Variants in ZDHHC7 observed in about 807,000 individuals in gnomAD.
ZDHHC7 encodes the protein palmitoyltransferase ZDHHC7.
Under a neutral mutation model 34.1 loss-of-function variants are expected in ZDHHC7, and 12 were observed. That is an observed-to-expected ratio of 0.35 (90% CI 0.23 to 0.57). The LOEUF (loss-of-function observed/expected upper bound fraction) is 0.57. Ranked by LOEUF, ZDHHC7 falls within the 20% of genes least tolerant of loss-of-function variation. ZDHHC7 has a pLI of 0.84. For missense variants in ZDHHC7, 388 were observed against 402.7 expected (o/e 0.96, Z 0.31); for synonymous variants, 185 against 155.4 (o/e 1.19, Z -1.42).
Position 84,977,910 on chromosome 16 carries a change from G to A in ZDHHC7, c.619+14C>T. 1 of 1,607,844 alleles carries A rather than the reference G, an allele frequency of 6.2e-7. No individual in the cohort carries two copies. The highest frequency in any genetic ancestry group is 1.1e-5 in the South Asian group (1 of 90,714). On this transcript the variant is annotated intron_variant, in intron 6 of 7. Coordinates refer to ENST00000313732, the MANE Select transcript of ZDHHC7 (RefSeq NM_017740.3). The stretch of plus-strand genomic sequence containing the variant: ...CATGCAAAGCCAGGAATGACACATA[G>A]CCAGGGAACTTACCAGTCCACTGCC...
intron 1 of ZDHHC7, among the ~76,000 whole-genome samples, chr16:84,998,681 G>A (rs1184553099): frequency 1.3e-5 from 2 of 151,624 alleles, no homozygotes; most frequent in African/African-American, 4.8e-5. Flanking sequence ...CTTCTGCCCA[G>A]GCCCTAGACA....
rs774225497 is a variant in ZDHHC7 at position 84,990,545 on chromosome 16, G to A, written c.74C>T (p.Ser25Phe). 3.7e-6 allele frequency: 6 copies of A among 1,614,066 alleles called. No homozygotes were observed. The African/African-American group carries it at 5.3e-5, about 14-fold the overall frequency. The change falls in exon 3 of 8, where the codon TCT becomes TTT. Residue 25 changes from serine (S) to phenylalanine (F), a missense_variant. Ser to Phe is a radical substitution (Grantham distance 155). Transcript: ENST00000313732. Reference protein sequence around the residue: ...PLLAENDNYDSSSSSSSEADV... With the variant: ...PLLAENDNYDFSSSSSSEADV... ...AGCCTCGGAGGAGGAGGACGATGAA[G>A]AGTCATAGTTGTCATTTTCAGCCAG...
At chr16:84,982,417 A>G (rs2072382863) in intron 3 of ZDHHC7, among the ~76,000 whole-genome samples, 1 of 151,952 alleles carries the variant, frequency 6.6e-6, no homozygotes, top group African/African-American at 2.4e-5. Flanking sequence ...TATCCTTTTG[A>G]TAAATGGCTT....
chr16:85,026,203 G>C, the ZDHHC7 span, among the ~76,000 whole-genome samples: 1 of 152,204 alleles, frequency 6.6e-6, no homozygotes, highest in Admixed American at 6.5e-5. Context: ...CCTTGTGCTA[G>C]GTTCACTTGC....
chr16:84,992,258 A>C (rs983794853), intron 2 of ZDHHC7, among the ~76,000 whole-genome samples: 2 of 151,990 alleles, frequency 1.3e-5, no homozygotes, highest in African/African-American at 4.8e-5. Flanking sequence ...TCACGAGGTT[A>C]CAAGTTCAAG....
At chr16:85,012,064 G>A (rs62048404), upstream of ZDHHC7, among the ~76,000 whole-genome samples, 4 of 152,190 alleles carry the variant, frequency 2.6e-5, no homozygotes, top group African/African-American at 9.7e-5. Flanking sequence ...CATATAGGAA[G>A]CCCTAAGTGT....
chr16:85,025,257 T>C, the ZDHHC7 span, among the ~76,000 whole-genome samples: 1 of 145,314 alleles, frequency 6.9e-6, no homozygotes, highest in African/African-American at 2.5e-5. Context: ...GGTGACAGAG[T>C]GAGATGATTT....
Position 84,976,325 on chromosome 16 carries a change from A to G in ZDHHC7, c.*18T>C. 6.2e-7 allele frequency: 1 copy of G among 1,611,172 alleles called. No individual in the cohort carries two copies. Among genetic ancestry groups the G allele is most frequent in the South Asian group, 1.1e-5 (1 of 90,800 alleles). On this transcript the variant is annotated 3_prime_UTR_variant, in exon 8 of 8. Transcript: ENST00000313732. Reference sequence around the variant, plus strand: ...AACTGGAAGTCTGTGAGCAAGTTTCAGTCTGATGAGCCACGCCTCACACTG... The same window carrying G: ...AACTGGAAGTCTGTGAGCAAGTTTCGGTCTGATGAGCCACGCCTCACACTG...
the ZDHHC7 span, among the ~76,000 whole-genome samples, chr16:85,025,172 G>A: frequency 6.6e-6 from 1 of 151,954 alleles, no homozygotes; most frequent in Non-Finnish European, 1.5e-5. Flanking sequence ...CAGCTACTTG[G>A]GAGGCTAAGG....
At position 84,981,860 on chromosome 16, in the gene ZDHHC7, G is replaced by A. The variant is rs374282797; in HGVS notation, c.440+10C>T. The A allele has an allele frequency of 9.3e-6, 15 of 1,613,754 alleles. No individual in the cohort carries two copies. The Admixed American group carries it at 2.5e-4, about 27-fold the overall frequency. ...GGATGCGCTCGGGTTTAATACAGCA[G>A]CGCACGTACCTGCAGTGGTGGGCGC... On this transcript the variant is annotated intron_variant, in intron 4 of 7. Transcript: ENST00000313732.
intron 1 of ZDHHC7, among the ~76,000 whole-genome samples, chr16:85,008,509 C>G (rs899522814): frequency 4.1e-5 from 6 of 144,796 alleles, no homozygotes; most frequent in African/African-American, 1.1e-4. Flanking sequence ...TACACCCCCC[C>G]CCAAAAAAAA....
intron 2 of ZDHHC7, among the ~76,000 whole-genome samples, chr16:84,992,849 T>C (rs2072528898): frequency 6.6e-6 from 1 of 152,206 alleles, no homozygotes; most frequent in Admixed American, 6.5e-5. Flanking sequence ...TTTTCTTTTC[T>C]TAAATGCAAC....
At chr16:84,991,324 T>C (rs925622883) in intron 2 of ZDHHC7, among the ~76,000 whole-genome samples, 1 of 152,214 alleles carries the variant, frequency 6.6e-6, no homozygotes, top group African/African-American at 2.4e-5. Flanking sequence ...TCTCACTCTG[T>C]TGCCCGGCTG....
At chr16:85,013,539 G>A (rs779659651), upstream of ZDHHC7, among the ~76,000 whole-genome samples, 11 of 151,102 alleles carry the variant, frequency 7.3e-5, no homozygotes, top group Non-Finnish European at 1.0e-4. Flanking sequence ...CACCACGCCC[G>A]GCCAAAGGTA....
intron 1 of ZDHHC7, among the ~76,000 whole-genome samples, chr16:84,996,533 C>T (rs1169454889): frequency 1.3e-5 from 2 of 152,054 alleles, no homozygotes; most frequent in African/African-American, 2.4e-5. Context: ...CGTAGCTCCC[C>T]GAACCCTGAC....
chr16:85,010,038 A>C (rs2143765845), intron 1 of ZDHHC7, among the ~76,000 whole-genome samples: 1 of 134,532 alleles, frequency 7.4e-6, no homozygotes, highest in Non-Finnish European at 1.5e-5. Flanking sequence ...CGAATTTAAC[A>C]AAGTGACTTT....
At chr16:85,000,853 A>G (rs1169829284) in intron 1 of ZDHHC7, among the ~76,000 whole-genome samples, 1 of 152,226 alleles carries the variant, frequency 6.6e-6, no homozygotes, top group Non-Finnish European at 1.5e-5. Flanking sequence ...CCAATGTGCA[A>G]AGTGCTTTCC....
intron 4 of ZDHHC7, among the ~76,000 whole-genome samples, chr16:84,981,152 C>A (rs1308656338): frequency 6.6e-6 from 1 of 152,124 alleles, no homozygotes; most frequent in Non-Finnish European, 1.5e-5. Flanking sequence ...AAATCAACAG[C>A]CAGCCCCTCC....
chr16:84,988,234 A>G (rs965194862), intron 3 of ZDHHC7, among the ~76,000 whole-genome samples: 9 of 151,814 alleles, frequency 5.9e-5, no homozygotes, highest in Admixed American at 2.6e-4. Context: ...TGCCAGGGGC[A>G]GAGGGCGTCG....
Sources: allele counts gnomAD v4.1 joint callset (sites outside exome capture counted in the v4.1 genomes callset), GRCh38; gene constraint gnomAD v4.1.1; transcripts MANE v1.5; gene names NCBI Gene and HGNC (gene_info 2026-07-23, HGNC 2026-07-21).